The following MYPN variants were observed in gnomAD, a reference collection of about 807,000 sequenced individuals.
MYPN encodes sarcomeric protein myopalladin, 145 kDa (MYOP).
Under a neutral mutation model 129.4 loss-of-function variants are expected in MYPN, and 63 were observed. The observed-to-expected ratio is 0.49, with a 90% CI of 0.40 to 0.60. The LOEUF is 0.60. MYPN is among the 20% of genes least tolerant of loss of function. The pLI, the probability that MYPN is intolerant of heterozygous loss-of-function variation, is 0.00. For synonymous variants in MYPN, 629 were observed against 600.9 expected, an observed-to-expected ratio of 1.05 and a Z score of -0.68; for missense variants, 1,596 against 1,635.4, an observed-to-expected ratio of 0.98 and a Z score of 0.42.
At position 68,201,822 on chromosome 10, in the gene MYPN, T is replaced by C. The variant is rs764756548; in HGVS notation, c.3494-7T>C. The C allele has an allele frequency of 2.5e-6, 4 of 1,613,510 alleles. No individual in the cohort carries two copies. The South Asian group carries it at 4.4e-5, about 18-fold the overall frequency. ...AAGAAAAAAAGAATGACCCTTCTCT[T>C]GCTCAGCCAAAGAGGTGAAGAAAGC... On this transcript the variant is annotated splice_polypyrimidine_tract_variant and splice_region_variant and intron_variant, in intron 17 of 19. Transcript: ENST00000358913.
chr10:68,120,230 A>G (rs2042222578), intron 1 of MYPN, among the ~76,000 whole-genome samples: 1 of 152,218 alleles, frequency 6.6e-6, no homozygotes, highest in South Asian at 2.1e-4. Context: ...GTGACAGCCT[A>G]AGTCACAAAT....
At chr10:68,138,531 C>T (rs1459628577) in intron 2 of MYPN, among the ~76,000 whole-genome samples, 1 of 151,842 alleles carries the variant, frequency 6.6e-6, no homozygotes, top group East Asian at 1.9e-4. Flanking sequence ...GCAATTAGAC[C>T]CACTGTGGCT....
intron 2 of MYPN, 57 bp from the exon 3 acceptor site, chr10:68,142,883 C>T: frequency 6.7e-7 from 1 of 1,493,568 alleles, no homozygotes; most frequent in Non-Finnish European, 9.3e-7. Flanking sequence ...CTGGAGCTGT[C>T]TATGTTATTG....
Position 68,133,005 on chromosome 10 carries a change from C to T in MYPN, c.903-9935C>T, listed in dbSNP as rs76643129. Among the ~76,000 whole-genome samples the T allele has an allele frequency of 8.8e-3, 1,326 of 150,692 alleles. 38 individuals are homozygous for T. In the East Asian group the frequency reaches 0.11, roughly 13 times the overall value. ...CCTAACTGGAAAACCATATAGAATG[C>T]CATGTGTAGACCTCAATTTTTTTTT... On this transcript the variant is annotated intron_variant, in intron 2 of 19. Transcript: ENST00000358913.
intron 2 of MYPN, among the ~76,000 whole-genome samples, chr10:68,141,515 CTTAA>C (rs1400490323): frequency 1.6e-5 from 2 of 125,936 alleles, no homozygotes; most frequent in Non-Finnish European, 3.8e-5. Context: ...ATACCTCCCA[CTTAA>C]TTACTTTTTA....
At chr10:68,173,688 G>A (rs1196859265) in intron 10 of MYPN, among the ~76,000 whole-genome samples, 3 of 151,540 alleles carry the variant, frequency 2.0e-5, no homozygotes, top group Non-Finnish European at 4.4e-5. Context: ...TGCAATCTCC[G>A]CCTCCAGGCT....
chr10:68,157,699 G>A (rs867135792), intron 6 of MYPN, among the ~76,000 whole-genome samples: 2 of 150,072 alleles, frequency 1.3e-5, no homozygotes, highest in Non-Finnish European at 3.0e-5. Context: ...AAAATTAGCC[G>A]GGCGTGGTGA....
intron 2 of MYPN, among the ~76,000 whole-genome samples, chr10:68,141,235 G>A (rs2134060509): frequency 6.6e-6 from 1 of 152,182 alleles, no homozygotes; most frequent in African/African-American, 2.4e-5. Context: ...TGGGCGTGGT[G>A]GTGTGCACCT....
At chr10:68,131,883 G>A (rs2042417053) in intron 2 of MYPN, among the ~76,000 whole-genome samples, 2 of 152,034 alleles carry the variant, frequency 1.3e-5, no homozygotes, top group South Asian at 4.1e-4. Flanking sequence ...CTATAACCTT[G>A]TTAAATTCAT....
chr10:68,097,167 G>T (rs564051252), intron 1 of MYPN, among the ~76,000 whole-genome samples: 1 of 152,152 alleles, frequency 6.6e-6, no homozygotes, highest in Non-Finnish European at 1.5e-5. Context: ...CTATGTTACC[G>T]GTGTGAATCT....
At chr10:68,088,834 G>A (rs2041918202) in intron 1 of MYPN, among the ~76,000 whole-genome samples, 1 of 152,142 alleles carries the variant, frequency 6.6e-6, no homozygotes, top group African/African-American at 2.4e-5. Context: ...ACAGAGTTGT[G>A]CAACCATTGC....
chr10:68,200,390 C>T (rs556328769), intron 17 of MYPN, among the ~76,000 whole-genome samples: 1 of 152,268 alleles, frequency 6.6e-6, no homozygotes, highest in South Asian at 2.1e-4. Context: ...CTGGGAGGTG[C>T]CAGCCCTGAA....
chr10:68,185,092 C>T (rs1160080314), intron 12 of MYPN, among the ~76,000 whole-genome samples: 4 of 141,828 alleles, frequency 2.8e-5, no homozygotes, highest in Admixed American at 7.0e-5. Flanking sequence ...ATTGCTTGAG[C>T]TCAGGAGTTC....
At chr10:68,119,003 T>C (rs1019697713) in intron 1 of MYPN, among the ~76,000 whole-genome samples, 8 of 152,072 alleles carry the variant, frequency 5.3e-5, no homozygotes, top group African/African-American at 7.2e-5. Flanking sequence ...GGCACTTAAT[T>C]TCCCCCCCAT....
intron 2 of MYPN, among the ~76,000 whole-genome samples, chr10:68,131,137 C>T (rs1292857428): frequency 6.6e-6 from 1 of 152,086 alleles, no homozygotes; most frequent in Non-Finnish European, 1.5e-5. Context: ...GCCTGTAATC[C>T]CAGCACTTTG....
At chr10:68,136,756 A>C in intron 2 of MYPN, 1 of 1,524,694 alleles carries the variant, frequency 6.6e-7, no homozygotes, top group Non-Finnish European at 8.8e-7. Flanking sequence ...TGTTCTCTAA[A>C]TAATTTAGAT....
At chr10:68,114,248 TGAA>T (rs1008164308) in intron 1 of MYPN, 42 of 152,248 alleles carry the variant, frequency 2.8e-4, no homozygotes, top group African/African-American at 1.0e-3. Context: ...TCTTAGAGCC[TGAA>T]GAAGGATAGC....
At chr10:68,168,887 G>T (rs1437744551) in intron 10 of MYPN, among the ~76,000 whole-genome samples, 6 of 151,064 alleles carry the variant, frequency 4.0e-5, no homozygotes, top group Non-Finnish European at 8.8e-5. Context: ...CAGCTACTCA[G>T]GAGGCTGAGG....
At chr10:68,185,538 C>T (rs1333144157) in intron 12 of MYPN, among the ~76,000 whole-genome samples, 1 of 152,066 alleles carries the variant, frequency 6.6e-6, no homozygotes, top group African/African-American at 2.4e-5. Context: ...AGTCCACACC[C>T]CTCCCCACCA....
Sources: allele counts gnomAD v4.1 joint callset (sites outside exome capture counted in the v4.1 genomes callset), GRCh38; gene constraint gnomAD v4.1.1; transcripts MANE v1.5; gene names NCBI Gene and HGNC (gene_info 2026-07-23, HGNC 2026-07-21).